Variants in ZNF766 observed in about 807,000 individuals in gnomAD.
ZNF766 encodes zinc finger protein 766.
ZNF766 carries 13 observed loss-of-function variants against 13.2 expected under a neutral mutation model. That is an observed-to-expected ratio of 0.98 (90% CI 0.64 to 1.56). The LOEUF (loss-of-function observed/expected upper bound fraction) is 1.56. Ranked by LOEUF, ZNF766 falls within the 40% of genes most tolerant of loss-of-function variation. ZNF766 has a pLI of 0.00. For synonymous variants in ZNF766, 178 were observed against 187.6 expected (o/e 0.95, Z 0.42); for missense variants, 521 against 552.2 (o/e 0.94, Z 0.57).
rs1206588035 is a variant in ZNF766, at chr19:52,295,954, G to A, written c.*4756G>A. On this transcript the variant is annotated 3_prime_UTR_variant, in exon 4 of 4. Coordinates refer to ENST00000439461, the MANE Select transcript of ZNF766 (RefSeq NM_001010851.3). ...TCAGTATCTACGAAGTGCCTTGATAGTAAATATATTAACCCTGTGTATCAA... is the reference window on the plus strand; with the variant it reads ...TCAGTATCTACGAAGTGCCTTGATAATAAATATATTAACCCTGTGTATCAA... 6.6e-6 allele frequency: 1 copy of A among 151,964 alleles called. No homozygotes were observed. Among genetic ancestry groups the A allele is most frequent in the East Asian group, 1.9e-4 (1 of 5,188 alleles). The allele number at this position is 151,964 out of a possible 1,614,324, so 9.4% of individuals were successfully genotyped here.
chr19:52,271,408 C>T (rs1048737657), intron 1 of ZNF766, among the ~76,000 whole-genome samples: 7 of 152,074 alleles, frequency 4.6e-5, no homozygotes, highest in African/African-American at 1.7e-4. Flanking sequence ...TGCACATTTC[C>T]ATCTCAACCA....
rs189433842 is a variant in ZNF766, at chr19:52,291,835, A to G, written c.*637A>G. 6.0e-4 allele frequency: 177 copies of G among 295,978 alleles called. No homozygotes were observed. The highest frequency in any genetic ancestry group is 2.4e-3 in the Admixed American group (49 of 20,318). The allele number at this position is 295,978 out of a possible 1,614,324, so 18.3% of individuals were successfully genotyped here. ...CATGCCTATAATCTCAGCACAATAG[A>G]AAGCCAAGACAGGAGGGTCACTTGA... is the stretch of plus-strand genomic sequence containing the variant. On this transcript the variant is annotated 3_prime_UTR_variant, in exon 4 of 4. Coordinates refer to ENST00000439461, the MANE Select transcript of ZNF766 (RefSeq NM_001010851.3).
Position 52,269,646 on chromosome 19 carries a change from G to C in ZNF766, c.18+15G>C. The C allele has an allele frequency of 6.2e-7, 1 of 1,612,792 alleles. No homozygotes were observed. The highest frequency in any genetic ancestry group is 8.5e-7 in the Non-Finnish European group (1 of 1,179,660). ...AACTGCGGCGCGTGAGTTTTCCTTT[G>C]TTTAGATTAAGTGTTCGCTTAGCGG... On this transcript the variant is annotated intron_variant, in intron 1 of 3. Coordinates refer to ENST00000439461, the MANE Select transcript of ZNF766 (RefSeq NM_001010851.3).
intron 1 of ZNF766, among the ~76,000 whole-genome samples, chr19:52,275,383 A>G (rs1364526224): frequency 6.6e-6 from 1 of 152,266 alleles, no homozygotes; most frequent in Non-Finnish European, 1.5e-5. Flanking sequence ...TTATTGCAAA[A>G]GAATCAAAAA....
rs1982162308 is a variant in ZNF766, at chr19:52,291,818, T to C, written c.*620T>C. On this transcript the variant is annotated 3_prime_UTR_variant, in exon 4 of 4. Coordinates refer to ENST00000439461, the MANE Select transcript of ZNF766 (RefSeq NM_001010851.3). ...GGCCAGGGGCAGTGGTTCATGCCTA[T>C]AATCTCAGCACAATAGAAAGCCAAG... 1 of 250,974 alleles carries C rather than the reference T, an allele frequency of 4.0e-6. No homozygotes were observed. The highest frequency in any genetic ancestry group is 7.5e-6 in the Non-Finnish European group (1 of 132,920). 15.5% of individuals were successfully genotyped at this position (250,974 alleles called of 1,614,324 possible).
At chr19:52,277,176 T>C (rs1981245958) in intron 1 of ZNF766, 3 of 1,142,178 alleles carry the variant, frequency 2.6e-6, no homozygotes, top group Admixed American at 4.3e-5. Context: ...AAGAGTCATG[T>C]TGGCCGGGCG....
In ZNF766 at chr19:52,291,435, G is replaced by A. The variant is rs978831620; in HGVS notation, c.*237G>A. On this transcript the variant is annotated 3_prime_UTR_variant, in exon 4 of 4. Coordinates refer to ENST00000439461, the MANE Select transcript of ZNF766 (RefSeq NM_001010851.3). Reference sequence around the variant, plus strand: ...ATGTGTATAAAGGGTGCAAGGACACGTGGAAATGATCTGTAATATTCGGGT... The same window carrying A: ...ATGTGTATAAAGGGTGCAAGGACACATGGAAATGATCTGTAATATTCGGGT... 10 of 446,258 alleles carry A rather than the reference G, an allele frequency of 2.2e-5. No individual in the cohort carries two copies. The highest frequency in any genetic ancestry group is 3.9e-5 in the Admixed American group (1 of 25,454). 27.6% of individuals were successfully genotyped at this position (446,258 alleles called of 1,614,324 possible).
intron 3 of ZNF766, among the ~76,000 whole-genome samples, chr19:52,286,705 C>T (rs1981847569): frequency 6.6e-6 from 1 of 152,146 alleles, no homozygotes. Flanking sequence ...AAAGTTGCAT[C>T]CTTCTTGCAT....
chr19:52,282,315 C>T, intron 2 of ZNF766, 78 bp downstream of exon 2: 1 of 1,472,508 alleles, frequency 6.8e-7, no homozygotes, highest in Non-Finnish European at 9.1e-7. Context: ...TCTTGGGAGC[C>T]CCTGCATTGC....
rs553709500 is a variant in ZNF766 at position 52,269,622 on chromosome 19, A to G, written c.9A>G (p.Gln3=). The G allele has an allele frequency of 6.2e-7, 1 of 1,612,934 alleles. No individual in the cohort carries two copies. Among genetic ancestry groups the G allele is most frequent in the South Asian group, 1.1e-5 (1 of 91,030 alleles). Residue 3 remains glutamine, a synonymous_variant, in exon 1 of 4, where the codon CAA becomes CAG. Transcript: ENST00000439461. MA[Q]LRRGHLTFRD... ...GTGGATGGCGTGGAGATATGGCGCA[A>G]CTGCGGCGCGTGAGTTTTCCTTTGT...
intron 1 of ZNF766, among the ~76,000 whole-genome samples, chr19:52,271,451 A>G (rs1297332293): frequency 6.6e-6 from 1 of 151,986 alleles, no homozygotes; most frequent in Non-Finnish European, 1.5e-5. Flanking sequence ...CGGCCCACCC[A>G]CCTGTCTCAG....
At position 52,277,548 on chromosome 19, in the gene ZNF766, T is replaced by C. The variant is rs779744783; in HGVS notation, c.19-4563T>C. Reference sequence around the variant, plus strand: ...AGGCATGCCACTTACTCAGGTAAAGTGATATTCTCAGTAGATTGTTCTGTT... The same window carrying C: ...AGGCATGCCACTTACTCAGGTAAAGCGATATTCTCAGTAGATTGTTCTGTT... On this transcript the variant is annotated intron_variant, in intron 1 of 3. Coordinates refer to ENST00000439461, the MANE Select transcript of ZNF766 (RefSeq NM_001010851.3). The C allele has an allele frequency of 1.2e-5, 19 of 1,567,332 alleles. No homozygotes were observed. In the South Asian group the frequency reaches 2.2e-4, roughly 18 times the overall value.
intron 1 of ZNF766, among the ~76,000 whole-genome samples, 178 bp downstream of exon 1, chr19:52,269,809 C>G (rs1219546457): frequency 3.3e-5 from 5 of 152,202 alleles, no homozygotes; most frequent in Non-Finnish European, 7.3e-5. Flanking sequence ...TGTCTCCGGT[C>G]GTTCTGCCGT....
chr19:52,269,734 C>T lies in ZNF766; in HGVS notation c.18+103C>T, dbSNP rs571580047. On this transcript the variant is annotated intron_variant, in intron 1 of 3. Transcript: ENST00000439461. Reference sequence around the variant, plus strand: ...TACAGACCTTGAAATCCCCGCACCGCTCTCTCCACCCCGAGTAAATTCATG... The same window carrying T: ...TACAGACCTTGAAATCCCCGCACCGTTCTCTCCACCCCGAGTAAATTCATG... 966 of 1,409,282 alleles carry T rather than the reference C, an allele frequency of 6.9e-4. 3 individuals are homozygous for T. Among genetic ancestry groups the T allele is most frequent in the African/African-American group, 6.3e-3 (446 of 70,656 alleles). The allele number at this position is 1,409,282 out of a possible 1,614,324, so 87.3% of individuals were successfully genotyped here. A position where few individuals can be genotyped will look rare whatever the true frequency, so the allele number is the denominator to read the frequency against.
rs1185153115 is a variant in ZNF766 at position 52,292,170 on chromosome 19, A to G, written c.*972A>G. ...ACAGGCCTTTCACTGTGGTCTGGGA[A>G]AGAATCAGTAAGATGACAGGGCTGA... is the stretch of plus-strand genomic sequence containing the variant. On this transcript the variant is annotated 3_prime_UTR_variant, in exon 4 of 4. Coordinates refer to ENST00000439461, the MANE Select transcript of ZNF766 (RefSeq NM_001010851.3). 2.8e-6 allele frequency: 2 copies of G among 702,758 alleles called. No individual in the cohort carries two copies. Among genetic ancestry groups the G allele is most frequent in the East Asian group, 2.7e-5 (1 of 37,282 alleles). The allele number at this position is 702,758 out of a possible 1,614,324, so 43.5% of individuals were successfully genotyped here. A position where few individuals can be genotyped will look rare whatever the true frequency, so the allele number is the denominator to read the frequency against.
Position 52,292,022 on chromosome 19 carries a change from G to T in ZNF766, c.*824G>T. The T allele has an allele frequency of 1.6e-6, 1 of 633,896 alleles. No individual in the cohort carries two copies. Among genetic ancestry groups the T allele is most frequent in the Non-Finnish European group, 2.8e-6 (1 of 354,992 alleles). The allele number at this position is 633,896 out of a possible 1,614,324, so 39.3% of individuals were successfully genotyped here. ...AGGAGTTTGAGAGTTTGAGCAGTGAGCTCTGATCTTGCCATTTGTACTCCA... is the reference window on the plus strand; with the variant it reads ...AGGAGTTTGAGAGTTTGAGCAGTGATCTCTGATCTTGCCATTTGTACTCCA... On this transcript the variant is annotated 3_prime_UTR_variant, in exon 4 of 4. Coordinates refer to ENST00000439461, the MANE Select transcript of ZNF766 (RefSeq NM_001010851.3).
intron 1 of ZNF766, among the ~76,000 whole-genome samples, chr19:52,278,104 C>G (rs570858136): frequency 1.2e-3 from 177 of 151,800 alleles, no homozygotes; most frequent in African/African-American, 4.2e-3. Flanking sequence ...TCTTGAGTAG[C>G]TGGGACCACA....
chr19:52,279,415 T>G (rs1981372112), intron 1 of ZNF766, among the ~76,000 whole-genome samples: 1 of 152,184 alleles, frequency 6.6e-6, no homozygotes, highest in Non-Finnish European at 1.5e-5. Context: ...GCAAAGAACG[T>G]CATTAGGATT....
At chr19:52,271,490 G>A (rs545475976) in intron 1 of ZNF766, among the ~76,000 whole-genome samples, 3 of 152,166 alleles carry the variant, frequency 2.0e-5, no homozygotes, top group South Asian at 2.1e-4. Flanking sequence ...AGTAGTAACT[G>A]GGAATGGTCT....
Sources: gnomAD v4.1 joint callset for allele counts (sites outside exome capture counted in the v4.1 genomes callset) on GRCh38, gnomAD v4.1.1 for gene constraint, MANE v1.5 for transcripts, NCBI Gene and HGNC (gene_info 2026-07-23, HGNC 2026-07-21) for gene names.